Variants in GFPT2 observed in about 807,000 individuals in gnomAD.
GFPT2 encodes glutamine--fructose-6-phosphate aminotransferase [isomerizing] 2.
A neutral mutation model predicts 85.6 loss-of-function variants in GFPT2; 62 were observed. That is an observed-to-expected ratio of 0.72 (90% CI 0.59 to 0.90). GFPT2 has a LOEUF of 0.90. Ranked by LOEUF, GFPT2 falls within the 40% of genes least tolerant of loss-of-function variation. The pLI is 0.00. For synonymous variants in GFPT2, 368 were observed against 344.5 expected (o/e 1.07, Z -0.75); for missense variants, 788 against 893.4 (o/e 0.88, Z 1.50).
At chr5:180,333,732 A>T (rs1389167417) in intron 4 of GFPT2, among the ~76,000 whole-genome samples, 1 of 152,188 alleles carries the variant, frequency 6.6e-6, no homozygotes, top group African/African-American at 2.4e-5. Context: ...GCTGAGTGTC[A>T]AAGAAATTTT....
chr5:180,317,459 C>T lies in GFPT2; in HGVS notation c.959-401G>A, dbSNP rs142346071. On this transcript the variant is annotated intron_variant, in intron 10 of 18. Coordinates refer to ENST00000253778, the MANE Select transcript of GFPT2 (RefSeq NM_005110.4). ...TTCTAATAAATACCCTCCTGGTTTC[C>T]GTAATAAAAACCTTTCCAGGCCGGG... Among the ~76,000 whole-genome samples the T allele has an allele frequency of 8.0e-4, 122 of 152,238 alleles. 1 individual carries two copies. The highest frequency in any genetic ancestry group is 3.7e-3 in the East Asian group (19 of 5,174).
At chr5:180,313,324 G>A (rs1763931585) in intron 14 of GFPT2, among the ~76,000 whole-genome samples, 2 of 151,862 alleles carry the variant, frequency 1.3e-5, no homozygotes, top group South Asian at 4.2e-4. Context: ...GGGCACGGGG[G>A]CTCACGCCTG....
chr5:180,324,695 T>C (rs1764179563), intron 8 of GFPT2, 121 bp downstream of exon 8: 3 of 732,126 alleles, frequency 4.1e-6, no homozygotes, highest in Non-Finnish European at 7.4e-6. Flanking sequence ...GCTGTGCGCC[T>C]GTTGGGTCTG....
intron 1 of GFPT2, among the ~76,000 whole-genome samples, chr5:180,348,890 T>C (rs1451203437): frequency 6.6e-6 from 1 of 151,802 alleles, no homozygotes; most frequent in Non-Finnish European, 1.5e-5. Flanking sequence ...TACAGGTGCG[T>C]GCCACCACAC....
chr5:180,336,494 C>T lies in GFPT2; in HGVS notation c.199G>A (p.Asp67Asn), dbSNP rs773712992. The T allele has an allele frequency of 5.0e-6, 8 of 1,598,266 alleles. No homozygotes were observed. In the East Asian group the frequency reaches 6.7e-5, roughly 13 times the overall value. The change falls in exon 3 of 19, where the codon GAT becomes AAT. Residue 67 changes from aspartate to asparagine, a missense_variant. Coordinates refer to ENST00000253778, the MANE Select transcript of GFPT2 (RefSeq NM_005110.4). ...VKKRGKVKAL[D>N]EELYKQDSMD... The stretch of plus-strand genomic sequence containing the variant: ...CTCCACTTACTGTAAAGTTCTTCAT[C>T]GAGAGCCTTGACTTTCCCCCTTTTC...
chr5:180,301,378 A>T lies in GFPT2; in HGVS notation c.*186T>A. On this transcript the variant is annotated 3_prime_UTR_variant, in exon 19 of 19. Transcript: ENST00000253778. ...TCCCTTCTCCTCTGGCGACTTCAGGACACAGAGAAACAGTATCTGCTGTAA... is the reference window on the plus strand; with the variant it reads ...TCCCTTCTCCTCTGGCGACTTCAGGTCACAGAGAAACAGTATCTGCTGTAA... 1.6e-6 allele frequency: 1 copy of T among 626,662 alleles called. No homozygotes were observed. The highest frequency in any genetic ancestry group is 1.9e-5 in the South Asian group (1 of 51,644). 38.8% of individuals were successfully genotyped at this position (626,662 alleles called of 1,614,324 possible).
At chr5:180,316,184 C>T (rs1158648043) in intron 13 of GFPT2, among the ~76,000 whole-genome samples, 157 bp downstream of exon 13, 2 of 151,780 alleles carry the variant, frequency 1.3e-5, no homozygotes, top group East Asian at 1.9e-4. Context: ...CGTACAATGG[C>T]GACAGTAATC....
chr5:180,334,857 A>C (rs992306107), intron 4 of GFPT2, among the ~76,000 whole-genome samples: 1 of 152,204 alleles, frequency 6.6e-6, no homozygotes, highest in African/African-American at 2.4e-5. Context: ...TGCCTACTGC[A>C]TCCCACTGCA....
chr5:180,352,585 G>C, intron 1 of GFPT2: 1 of 449,090 alleles, frequency 2.2e-6, no homozygotes, highest in Non-Finnish European at 4.4e-6. Flanking sequence ...CGAGGTTCGG[G>C]CAGTGACTGC....
Position 180,315,161 on chromosome 5 carries a change from G to A in GFPT2, c.1273+1180C>T, listed in dbSNP as rs117101577. ...ATTTTAGTTGTGGTAGTAACACCGT[G>A]GTCATACGTTTTTCTTTTTCTTTTT... On this transcript the variant is annotated intron_variant, in intron 13 of 18. Transcript: ENST00000253778. 9.9e-3 allele frequency among the ~76,000 whole-genome samples: 1,500 copies of A among 152,074 alleles called. 46 individuals are homozygous for A. The highest frequency in any genetic ancestry group is 0.097 in the East Asian group (501 of 5,158).
chr5:180,302,309 C>A, intron 18 of GFPT2, 114 bp downstream of exon 18: 7 of 746,010 alleles, frequency 9.4e-6, no homozygotes, highest in East Asian at 2.9e-5. Flanking sequence ...AAGAAAGCTA[C>A]TTTAAATAAA....
intron 15 of GFPT2, among the ~76,000 whole-genome samples, chr5:180,311,690 A>C (rs1763883944): frequency 6.7e-6 from 1 of 150,264 alleles, no homozygotes; most frequent in African/African-American, 2.5e-5. Context: ...TAGTTGGGGG[A>C]GACAGGCCAG....
At chr5:180,339,918 G>A (rs1315450332) in intron 1 of GFPT2, among the ~76,000 whole-genome samples, 1 of 152,242 alleles carries the variant, frequency 6.6e-6, no homozygotes, top group East Asian at 1.9e-4. Flanking sequence ...TATCCCTGGA[G>A]GGAGGCAATA....
At chr5:180,352,200 G>C (rs1764723263) in intron 1 of GFPT2, among the ~76,000 whole-genome samples, 1 of 152,046 alleles carries the variant, frequency 6.6e-6, no homozygotes, top group African/African-American at 2.4e-5. Flanking sequence ...GGCCTGCACA[G>C]ACCTCGGCCA....
At chr5:180,338,680 G>A (rs542809808) in intron 1 of GFPT2, 80 bp from the exon 2 acceptor site, 63 of 816,930 alleles carry the variant, frequency 7.7e-5, no homozygotes, top group African/African-American at 3.1e-4. Flanking sequence ...GGGATGCACC[G>A]AGGTGGCATC....
intron 1 of GFPT2, among the ~76,000 whole-genome samples, chr5:180,345,396 AG>A (rs1179759256): frequency 6.6e-6 from 1 of 152,240 alleles, no homozygotes; most frequent in African/African-American, 2.4e-5. Flanking sequence ...GCTCCAGGGA[AG>A]GACAGGGATG....
chr5:180,352,583 G>A (rs1424921712), intron 1 of GFPT2: 9 of 448,954 alleles, frequency 2.0e-5, no homozygotes, highest in Admixed American at 4.7e-5. Context: ...GCCGAGGTTC[G>A]GGCAGTGACT....
chr5:180,324,557 C>G (rs897032281), intron 8 of GFPT2: 7 of 586,238 alleles, frequency 1.2e-5, no homozygotes, highest in African/African-American at 9.3e-5. Flanking sequence ...AGCCCAGTTG[C>G]CGTTATACAA....
intron 7 of GFPT2, among the ~76,000 whole-genome samples, chr5:180,327,532 C>T (rs934941849): frequency 4.6e-5 from 7 of 152,146 alleles, no homozygotes; most frequent in Admixed American, 2.0e-4. Context: ...GTGCTGGGGC[C>T]GGGCACAGGG....
Sources: allele counts gnomAD v4.1 joint callset (sites outside exome capture counted in the v4.1 genomes callset), GRCh38; gene constraint gnomAD v4.1.1; transcripts MANE v1.5; gene names NCBI Gene and HGNC (gene_info 2026-07-23, HGNC 2026-07-21).